The following ADGRA2 variants were observed in gnomAD, a reference collection of about 807,000 sequenced individuals.
ADGRA2 encodes the protein G-protein coupled receptor 124.
In ADGRA2, 61 loss-of-function variants were observed where a neutral mutation model predicts 98.7. The observed-to-expected ratio is 0.62, with a 90% CI of 0.50 to 0.76. The LOEUF (loss-of-function observed/expected upper bound fraction) is 0.76, where lower values mean the gene tolerates loss of function less well. Ranked by LOEUF, ADGRA2 falls within the 30% of genes least tolerant of loss-of-function variation. ADGRA2 has a pLI of 0.00. For missense variants in ADGRA2, 1,712 were observed against 1,860.0 expected, an observed-to-expected ratio of 0.92 and a Z score of 1.46; for synonymous variants, 858 against 831.5, an observed-to-expected ratio of 1.03 and a Z score of -0.55.
At chr8:37,840,322 G>A in intron 17 of ADGRA2, 56 bp downstream of exon 17, 1 of 1,582,138 alleles carries the variant, frequency 6.3e-7, no homozygotes, top group South Asian at 1.1e-5. Flanking sequence ...CGCAGGCGTA[G>A]GAAACCTCCC....
Position 37,841,084 on chromosome 8 carries a change from A to G in ADGRA2, c.2748-2A>G. On this transcript the variant is annotated splice_acceptor_variant, in intron 18 of 18. Coordinates refer to ENST00000412232, the MANE Select transcript of ADGRA2 (RefSeq NM_032777.10). LOFTEE classifies it high-confidence loss of function. This position sits in a 1 kb window ranked among gnomAD's most constrained non-coding sequence, Gnocchi z 5.0. Reference sequence around the variant, plus strand: ...TCATCACTGCTTCTGTGTCTCCTACAGCTGCTGGCTGGTGTGGCGTCCAAG... The same window carrying G: ...TCATCACTGCTTCTGTGTCTCCTACGGCTGCTGGCTGGTGTGGCGTCCAAG... 1 of 1,589,060 alleles carries G rather than the reference A, an allele frequency of 6.3e-7. No homozygotes were observed. The highest frequency in any genetic ancestry group is 8.6e-7 in the Non-Finnish European group (1 of 1,168,064).
intron 1 of ADGRA2, among the ~76,000 whole-genome samples, chr8:37,800,530 G>T (rs189968753): frequency 1.2e-4 from 18 of 152,310 alleles, no homozygotes; most frequent in African/African-American, 4.3e-4. Flanking sequence ...TTCTCCATCA[G>T]GTAAGGGAAT....
intron 12 of ADGRA2, 61 bp from the exon 13 acceptor site, chr8:37,835,493 T>G: frequency 6.7e-7 from 1 of 1,488,548 alleles, no homozygotes; most frequent in Non-Finnish European, 9.4e-7. Context: ...AGGAGGGGGC[T>G]GCAAGACATC....
At chr8:37,821,458 A>G (rs778528030) in intron 2 of ADGRA2, among the ~76,000 whole-genome samples, 13 of 152,210 alleles carry the variant, frequency 8.5e-5, no homozygotes, top group Non-Finnish European at 1.8e-4. Context: ...TAGCTGAAAT[A>G]TACATGCTCC....
At chr8:37,806,207 T>G (rs1194809768) in intron 1 of ADGRA2, among the ~76,000 whole-genome samples, 2 of 152,194 alleles carry the variant, frequency 1.3e-5, no homozygotes, top group Non-Finnish European at 2.9e-5. Context: ...AATGGAAGTT[T>G]GCAGATATGT....
intron 1 of ADGRA2, among the ~76,000 whole-genome samples, chr8:37,813,263 G>A: frequency 6.6e-6 from 1 of 152,128 alleles, no homozygotes. Context: ...TAAAGAGCCT[G>A]TCACCACTCA....
intron 2 of ADGRA2, among the ~76,000 whole-genome samples, chr8:37,821,155 G>A (rs930519943): frequency 3.9e-5 from 6 of 152,276 alleles, no homozygotes; most frequent in East Asian, 1.9e-4. Flanking sequence ...ATGAAAGAGC[G>A]CTGGACTCCA....
At chr8:37,828,481 C>CT (rs35779657) in intron 2 of ADGRA2, among the ~76,000 whole-genome samples, 40,155 of 82,758 alleles carry the variant, frequency 0.49, 11,049 homozygotes, top group East Asian at 0.74. Context: ...GGGGGTGGTT[C>CT]TTTTTTTTTT....
chr8:37,822,402 C>CACACACACA (rs1283341936), intron 2 of ADGRA2, among the ~76,000 whole-genome samples: 1 of 129,724 alleles, frequency 7.7e-6, no homozygotes, highest in African/African-American at 3.7e-5. Flanking sequence ...CACACACACA[C>CACACACACA]ACACACAGTC....
intron 2 of ADGRA2, among the ~76,000 whole-genome samples, chr8:37,823,483 G>C (rs756612020): frequency 2.2e-4 from 34 of 152,170 alleles, no homozygotes; most frequent in Non-Finnish European, 3.7e-4. Context: ...TTACAGGCTT[G>C]AGCTACCACA....
intron 17 of ADGRA2, among the ~76,000 whole-genome samples, 185 bp from the exon 18 acceptor site, chr8:37,840,575 C>T (rs951428834): frequency 3.3e-5 from 5 of 152,152 alleles, no homozygotes; most frequent in Non-Finnish European, 7.4e-5. Context: ...TGGCCTCTGC[C>T]CCTTAGAACA....
intron 2 of ADGRA2, among the ~76,000 whole-genome samples, chr8:37,822,629 C>A (rs1213970591): frequency 1.3e-5 from 2 of 152,206 alleles, no homozygotes; most frequent in African/African-American, 2.4e-5. Flanking sequence ...TCCACCCCCT[C>A]TTCCCCAGGC....
rs1805916119 is a variant in ADGRA2, at chr8:37,844,635, A to C, written c.*2280A>C. 1 of 1,614,026 alleles carries C rather than the reference A, an allele frequency of 6.2e-7. No individual in the cohort carries two copies. Among genetic ancestry groups the C allele is most frequent in the African/African-American group, 1.3e-5 (1 of 74,916 alleles). On this transcript the variant is annotated 3_prime_UTR_variant, in exon 19 of 19. Transcript: ENST00000412232. ...TCCAGTGACAGTGGAGACAGGGGGTACAGGGCAGATCCGCTTCGGGGACTT... is the reference window on the plus strand; with the variant it reads ...TCCAGTGACAGTGGAGACAGGGGGTCCAGGGCAGATCCGCTTCGGGGACTT...
chr8:37,831,315 A>C (rs1301401049), intron 7 of ADGRA2, 108 bp from the exon 8 acceptor site: 2 of 1,016,500 alleles, frequency 2.0e-6, no homozygotes, highest in African/African-American at 3.2e-5. Flanking sequence ...CCCTTGTTTC[A>C]TTAAAGAAAA....
In ADGRA2 at chr8:37,842,229, C is replaced by G. The variant is rs1168991619; in HGVS notation, c.3891C>G (p.Leu1297=). The change falls in exon 19 of 19, where the codon CTC becomes CTG. Residue 1297 remains leucine (L), a synonymous_variant. Transcript: ENST00000412232. The part of the protein sequence containing the change: ...EKESHRRSYP[L]NAASLNGAPK... Reference sequence around the variant, plus strand: ...AGAGCCATCGCCGCTCGTACCCGCTCAACGCCGCCAGCCTAAACGGCGCCC... The same window carrying G: ...AGAGCCATCGCCGCTCGTACCCGCTGAACGCCGCCAGCCTAAACGGCGCCC... 2 of 1,549,330 alleles carry G rather than the reference C, an allele frequency of 1.3e-6. No individual in the cohort carries two copies. The highest frequency in any genetic ancestry group is 1.7e-6 in the Non-Finnish European group (2 of 1,147,284).
intron 12 of ADGRA2, 70 bp downstream of exon 12, chr8:37,835,468 G>T: frequency 6.6e-7 from 1 of 1,516,816 alleles, no homozygotes; most frequent in Non-Finnish European, 9.1e-7. Context: ...GGTGGGGGCA[G>T]TGAGAGGAGG....
Position 37,837,777 on chromosome 8 carries a change from G to C in ADGRA2, c.2097G>C (p.Leu699=). 1 of 1,551,858 alleles carries C rather than the reference G, an allele frequency of 6.4e-7. No individual in the cohort carries two copies. Among genetic ancestry groups the C allele is most frequent in the Non-Finnish European group, 8.7e-7 (1 of 1,147,698 alleles). Residue 699 remains leucine (L), a synonymous_variant, in exon 14 of 19, where the codon CTG becomes CTC. Transcript: ENST00000412232. The part of the protein sequence containing the change: ...GNLTEPVAVS[L]RHWAEGAEPV... ...TGACAGAGCCAGTGGCCGTTTCGCT[G>C]CGGCACTGGGCTGAGGGAGCCGAAC... is the stretch of plus-strand genomic sequence containing the variant.
intron 1 of ADGRA2, among the ~76,000 whole-genome samples, chr8:37,801,030 C>T (rs897970685): frequency 9.2e-5 from 14 of 152,082 alleles, no homozygotes; most frequent in Admixed American, 2.0e-4. Flanking sequence ...GCTGTTCAGG[C>T]ATGAAGGTGG....
chr8:37,840,645 A>G, intron 17 of ADGRA2, 115 bp from the exon 18 acceptor site: 4 of 696,238 alleles, frequency 5.7e-6, no homozygotes, highest in Non-Finnish European at 1.0e-5. Context: ...AAAAATTCTG[A>G]TAATTTAAAG....
Sources: allele counts gnomAD v4.1 joint callset (sites outside exome capture counted in the v4.1 genomes callset), GRCh38; gene constraint gnomAD v4.1.1; non-coding constraint Gnocchi (gnomAD v3.1); transcripts MANE v1.5; gene names NCBI Gene and HGNC (gene_info 2026-07-23, HGNC 2026-07-21).